Variants in KDM4B observed in about 807,000 individuals in gnomAD.
The protein encoded by KDM4B is lysine-specific demethylase 4B.
KDM4B carries 32 observed loss-of-function variants against 125.2 expected under a neutral mutation model. The ratio of observed to expected loss-of-function variants is 0.26; its 90% CI spans 0.19 to 0.34. The LOEUF (loss-of-function observed/expected upper bound fraction) is 0.34, where lower values mean the gene tolerates loss of function less well. Among genes scored for constraint, KDM4B ranks in the 10% least tolerant of loss-of-function variants. KDM4B has a pLI of 1.00. For missense variants in KDM4B, 1,190 were observed against 1,577.7 expected (o/e 0.75, Z 4.16); for synonymous variants, 721 against 677.9 (o/e 1.06, Z -0.99).
chr19:5,125,455 G>A (rs961209452), intron 11 of KDM4B, among the ~76,000 whole-genome samples: 3 of 152,218 alleles, frequency 2.0e-5, no homozygotes, highest in Non-Finnish European at 2.9e-5. Flanking sequence ...AGCCTACACC[G>A]CGTGGGAGGG....
chr19:4,975,228 T>C (rs1322296397), intron 1 of KDM4B, among the ~76,000 whole-genome samples: 1 of 152,238 alleles, frequency 6.6e-6, no homozygotes, highest in East Asian at 1.9e-4. Flanking sequence ...CAGACCACTC[T>C]GCTTTGCCGT....
At position 5,032,497 on chromosome 19, in the gene KDM4B, A is replaced by G. The variant is rs553662935; in HGVS notation, c.-25-369A>G. 2.6e-5 allele frequency among the ~76,000 whole-genome samples: 4 copies of G among 152,290 alleles called. No individual in the cohort carries two copies. The South Asian group carries it at 8.3e-4, about 32-fold the overall frequency. ...GCAGATGCCGCGGTCTCTCGTGCGG[A>G]TCAGGCTCAGAGCAGAGAGACTGAT... On this transcript the variant is annotated intron_variant, in intron 2 of 22. Coordinates refer to ENST00000159111, the MANE Select transcript of KDM4B (RefSeq NM_015015.3).
In KDM4B at chr19:5,082,826, T is replaced by G. The variant is rs1352205991; in HGVS notation, c.918+322T>G. ...GGCTGCTCGGGTCTAGGGGTTGGGG[T>G]GTTTCCTCCACCAGCACCATTGTCC... is the stretch of plus-strand genomic sequence containing the variant. On this transcript the variant is annotated intron_variant, in intron 9 of 22. Transcript: ENST00000159111. The surrounding 1 kb of genome is among the most constrained non-coding windows in gnomAD (Gnocchi z 5.4). 1.3e-5 allele frequency among the ~76,000 whole-genome samples: 2 copies of G among 151,936 alleles called. No homozygotes were observed. The highest frequency in any genetic ancestry group is 4.8e-5 in the African/African-American group (2 of 41,382).
chr19:5,017,504 C>T (rs1034996684), intron 2 of KDM4B, among the ~76,000 whole-genome samples: 1 of 152,134 alleles, frequency 6.6e-6, no homozygotes, highest in East Asian at 1.9e-4. Flanking sequence ...TGCGCCTCCT[C>T]TTGTCCAGGT....
Position 5,131,194 on chromosome 19 carries a change from G to T in KDM4B, c.1434G>T (p.Ala478=), listed in dbSNP as rs530469372. The change falls in exon 12 of 23, where the codon GCG becomes GCT. Residue 478 remains alanine, a synonymous_variant. Coordinates refer to ENST00000159111, the MANE Select transcript of KDM4B (RefSeq NM_015015.3). ...PPPAHFPSEE[A]LWLPSPLEPP... is the part of the protein sequence containing the mutation. The stretch of plus-strand genomic sequence containing the variant: ...CTGCTCACTTCCCCTCAGAGGAGGC[G>T]CTGTGGCTGCCATCCCCACTGGAGC... 33 of 1,603,682 alleles carry T rather than the reference G, an allele frequency of 2.1e-5. No individual in the cohort carries two copies. In the South Asian group the frequency reaches 2.8e-4, roughly 14 times the overall value.
chr19:4,993,996 G>A (rs187336504), intron 1 of KDM4B, among the ~76,000 whole-genome samples: 2 of 113,552 alleles, frequency 1.8e-5, no homozygotes, highest in Admixed American at 8.5e-5. Flanking sequence ...CATGTTACAC[G>A]TTTAATTTTT....
In KDM4B at chr19:5,078,043, C is replaced by T. The variant is rs1004391364; in HGVS notation, c.780+573C>T. On this transcript the variant is annotated intron_variant, in intron 8 of 22. Coordinates refer to ENST00000159111, the MANE Select transcript of KDM4B (RefSeq NM_015015.3). The surrounding 1 kb of genome is among the most constrained non-coding windows in gnomAD (Gnocchi z 4.5). ...GGCTGTGATGGAGGAGACCTGAGGC[C>T]GGGGGGTGGGGCCTCCCTACACCTG... The T allele has an allele frequency of 2.2e-4, 34 of 154,096 alleles. 1 individual carries two copies. Among genetic ancestry groups the T allele is most frequent in the South Asian group, 1.0e-3 (5 of 4,946 alleles). 9.5% of individuals were successfully genotyped at this position (154,096 alleles called of 1,614,324 possible). A position where few individuals can be genotyped will look rare whatever the true frequency, so the allele number is the denominator to read the frequency against.
At chr19:5,134,115 G>C in intron 14 of KDM4B, 54 bp downstream of exon 14, 1 of 1,510,156 alleles carries the variant, frequency 6.6e-7, no homozygotes. Context: ...GGCGGTGGGA[G>C]AGGGCGAGGG....
chr19:5,028,374 C>T (rs1307033267), intron 2 of KDM4B, among the ~76,000 whole-genome samples: 1 of 152,200 alleles, frequency 6.6e-6, no homozygotes, highest in Non-Finnish European at 1.5e-5. Context: ...CTGTGATGTC[C>T]TCAAGGTTCC....
At chr19:5,126,835 A>G (rs914796819) in intron 11 of KDM4B, among the ~76,000 whole-genome samples, 25 of 152,330 alleles carry the variant, frequency 1.6e-4, no homozygotes, top group African/African-American at 5.8e-4. Flanking sequence ...TGGCCCAGGC[A>G]TGGAAGCCAA....
intron 7 of KDM4B, among the ~76,000 whole-genome samples, chr19:5,072,065 C>CA (rs1463115210): frequency 1.3e-5 from 2 of 152,222 alleles, no homozygotes; most frequent in Non-Finnish European, 2.9e-5. Flanking sequence ...CAGCAAGCGA[C>CA]AGCCACAGCT....
Position 5,134,071 on chromosome 19 carries a change from C to T in KDM4B, c.2085+10C>T, listed in dbSNP as rs374099435. ...CTACCCCTACTGCCAGGTGGGCAGG[C>T]GGGCCTCACGGGTCCCAGAGAACCC... On this transcript the variant is annotated intron_variant, in intron 14 of 22. Coordinates refer to ENST00000159111, the MANE Select transcript of KDM4B (RefSeq NM_015015.3). The T allele has an allele frequency of 4.1e-5, 65 of 1,575,074 alleles. No homozygotes were observed. Among genetic ancestry groups the T allele is most frequent in the Middle Eastern group, 1.8e-4 (1 of 5,622 alleles).
chr19:4,977,559 C>T (rs1013028942), intron 1 of KDM4B, among the ~76,000 whole-genome samples: 1 of 152,170 alleles, frequency 6.6e-6, no homozygotes, highest in Non-Finnish European at 1.5e-5. Flanking sequence ...GGCCTGTTTG[C>T]GTTTTTGCGG....
intron 2 of KDM4B, among the ~76,000 whole-genome samples, chr19:5,022,270 TG>T (rs2036146726): frequency 1.3e-5 from 2 of 152,072 alleles, no homozygotes; most frequent in South Asian, 4.1e-4. Context: ...TGGGGATCAG[TG>T]GTAGGGCCAG....
In KDM4B at chr19:5,082,854, C is replaced by A. The variant is rs1329880751; in HGVS notation, c.918+350C>A. Among the ~76,000 whole-genome samples the A allele has an allele frequency of 1.5e-5, 2 of 132,244 alleles. No individual in the cohort carries two copies. Among genetic ancestry groups the A allele is most frequent in the East Asian group, 3.9e-4 (2 of 5,168 alleles). The allele number at this position is 132,244 out of a possible 152,430, so 86.8% of individuals were successfully genotyped here. On this transcript the variant is annotated intron_variant, in intron 9 of 22. Transcript: ENST00000159111. This position sits in a 1 kb window ranked among gnomAD's most constrained non-coding sequence, Gnocchi z 5.4. ...TTCCTCCACCAGCACCATTGTCCCC[C>A]CTGCTGGCTGGCTCCTGGGCATCTC...
chr19:5,068,435 G>A (rs2037844057), intron 6 of KDM4B, among the ~76,000 whole-genome samples: 1 of 152,250 alleles, frequency 6.6e-6, no homozygotes, highest in East Asian at 1.9e-4. Flanking sequence ...CCCCCGTCCT[G>A]GGGTTGGTCC....
intron 6 of KDM4B, among the ~76,000 whole-genome samples, chr19:5,054,956 G>A (rs1005031513): frequency 8.5e-5 from 13 of 152,226 alleles, no homozygotes; most frequent in Admixed American, 7.2e-4. Flanking sequence ...TGGCTTTGGC[G>A]TTCAAAAAAT....
chr19:5,110,829 A>G lies in KDM4B; in HGVS notation c.1115+11A>G. The G allele has an allele frequency of 1.9e-6, 3 of 1,555,206 alleles. No homozygotes were observed. Among genetic ancestry groups the G allele is most frequent in the South Asian group, 2.3e-5 (2 of 86,244 alleles). ...CAAGCTCCTCCGCAGGTGAGTTGCCAAGGGACTGCCGCGTGACTGCCCAGC... is the reference window on the plus strand; with the variant it reads ...CAAGCTCCTCCGCAGGTGAGTTGCCGAGGGACTGCCGCGTGACTGCCCAGC... On this transcript the variant is annotated intron_variant, in intron 10 of 22. Transcript: ENST00000159111.
At chr19:5,113,908 G>T (rs1263991148) in intron 10 of KDM4B, 1 of 1,207,184 alleles carries the variant, frequency 8.3e-7, no homozygotes, top group East Asian at 5.7e-5. Flanking sequence ...GGTGCGGATG[G>T]TTCGGCACAG....
Sources: allele counts gnomAD v4.1 joint callset (sites outside exome capture counted in the v4.1 genomes callset), GRCh38; gene constraint gnomAD v4.1.1; non-coding constraint Gnocchi (gnomAD v3.1); transcripts MANE v1.5; gene names NCBI Gene and HGNC (gene_info 2026-07-23, HGNC 2026-07-21).